Variants in FAM47E observed in about 807,000 individuals in gnomAD.
FAM47E encodes family with sequence similarity 47 member E, also known as protein FAM47E.
A neutral mutation model predicts 41.6 loss-of-function variants in FAM47E; 32 were observed. That is an observed-to-expected ratio of 0.77 (90% confidence interval 0.58 to 1.03). FAM47E has a LOEUF of 1.03. FAM47E is among the 50% of genes least tolerant of loss of function. The pLI, the probability that FAM47E is intolerant of heterozygous loss-of-function variation, is 0.00. For missense variants in FAM47E, 424 were observed against 485.4 expected (o/e 0.87, Z 1.19); for synonymous variants, 184 against 188.7 (o/e 0.98, Z 0.20).
upstream of FAM47E, among the ~76,000 whole-genome samples, chr4:76,250,239 G>T (rs907256121): frequency 6.6e-5 from 10 of 152,118 alleles, no homozygotes; most frequent in Admixed American, 2.0e-4. Flanking sequence ...TAAATTTTTT[G>T]ATTATGGCCA....
intron 7 of FAM47E, chr4:76,282,062 A>G (rs918894499): frequency 1.7e-5 from 1 of 57,568 alleles, no homozygotes; most frequent in Non-Finnish European, 5.5e-5. Flanking sequence ...GAAGTACAGT[A>G]CATTTGTATG....
chr4:76,236,770 G>A (rs1733593811), intron 2 of FAM47E: 1 of 152,106 alleles, frequency 6.6e-6, no homozygotes, highest in Non-Finnish European at 1.5e-5. Flanking sequence ...AAAGACCTGG[G>A]ATCAGCAGAA....
rs934670844 is a variant in FAM47E, at chr4:76,234,940, G to T, written c.81+17252G>T. 2.6e-5 allele frequency among the ~76,000 whole-genome samples: 4 copies of T among 152,214 alleles called. No individual in the cohort carries two copies. The South Asian group carries it at 8.3e-4, about 32-fold the overall frequency. ...TGTCTCTCAAAAAAAATTTTTCTTT[G>T]CCTGATTTAAATAGTAAAATTAAAG... On this transcript the variant is annotated intron_variant, in intron 2 of 7. Coordinates refer to the FAM47E transcript ENST00000510197.
At chr4:76,278,302 A>C in intron 6 of FAM47E, 78 bp downstream of exon 6, 1 of 1,383,616 alleles carries the variant, frequency 7.2e-7, no homozygotes, top group East Asian at 2.7e-5. Context: ...ACTGAACCAG[A>C]CTCTGCGGCG....
Position 76,238,475 on chromosome 4 carries a change from T to G in FAM47E, c.81+20787T>G, listed in dbSNP as rs369914173. 1.8e-4 allele frequency among the ~76,000 whole-genome samples: 28 copies of G among 152,348 alleles called. No homozygotes were observed. The South Asian group carries it at 5.6e-3, about 30-fold the overall frequency. ...TGCTGGTGAGTTTGTTTCCTCATAC[T>G]ACATTTATCTTTAGCACAGGAACTA... On this transcript the variant is annotated intron_variant, in intron 2 of 7. Transcript: ENST00000510197.
chr4:76,257,029 C>A (rs1330614244), intron 2 of FAM47E, among the ~76,000 whole-genome samples: 3 of 152,156 alleles, frequency 2.0e-5, no homozygotes, highest in African/African-American at 7.2e-5. Context: ...GTGATGTCAC[C>A]AATGTCCCAG....
chr4:76,271,231 T>C (rs1734872749), intron 4 of FAM47E, among the ~76,000 whole-genome samples: 1 of 152,202 alleles, frequency 6.6e-6, no homozygotes, highest in African/African-American at 2.4e-5. Context: ...TTATACAGAG[T>C]TATTGGCAGA....
At chr4:76,220,995 A>G (rs909542742) in intron 2 of FAM47E, among the ~76,000 whole-genome samples, 1 of 152,030 alleles carries the variant, frequency 6.6e-6, no homozygotes, top group Non-Finnish European at 1.5e-5. Context: ...CCCATGGGAA[A>G]CTGTACAACT....
chr4:76,271,846 T>C, intron 5 of FAM47E, 78 bp downstream of exon 5: 32 of 1,463,512 alleles, frequency 2.2e-5, no homozygotes, highest in Non-Finnish European at 2.8e-5. Flanking sequence ...TGAATTCTGA[T>C]GTGTCATGGG....
At chr4:76,241,069 G>C (rs1239529711) in intron 2 of FAM47E, among the ~76,000 whole-genome samples, 1 of 151,862 alleles carries the variant, frequency 6.6e-6, no homozygotes, top group Non-Finnish European at 1.5e-5. Context: ...CCTTCCCCAG[G>C]GTTTACTAGC....
chr4:76,252,292 G>A (rs1047468649), intron 1 of FAM47E, among the ~76,000 whole-genome samples: 1 of 152,186 alleles, frequency 6.6e-6, no homozygotes, highest in African/African-American at 2.4e-5. Flanking sequence ...GGAGCGCCTG[G>A]GGTGCTAGGG....
chr4:76,250,734 T>G (rs1268776921), upstream of FAM47E, among the ~76,000 whole-genome samples: 1 of 152,106 alleles, frequency 6.6e-6, no homozygotes, highest in African/African-American at 2.4e-5. Context: ...AAAATAACAA[T>G]TGGGCTAATT....
intron 1 of FAM47E, chr4:76,217,483 G>A (rs1264633640): frequency 1.7e-5 from 7 of 408,018 alleles, no homozygotes; most frequent in East Asian, 7.0e-5. Flanking sequence ...GTCAGAGAGC[G>A]GGTTGTTGAA....
At chr4:76,217,145 C>T (rs1264403398) in intron 1 of FAM47E, among the ~76,000 whole-genome samples, 6 of 152,202 alleles carry the variant, frequency 3.9e-5, no homozygotes, top group Non-Finnish European at 8.8e-5. Flanking sequence ...AGGATCATCT[C>T]ACCCTATGAG....
chr4:76,252,708 G>C (rs1385639589), intron 1 of FAM47E, among the ~76,000 whole-genome samples: 2 of 152,110 alleles, frequency 1.3e-5, no homozygotes, highest in African/African-American at 4.8e-5. Context: ...GCTTCTTTGG[G>C]AAGCTTCTCC....
chr4:76,251,962 A>AC lies in FAM47E; in HGVS notation c.74+142_74+143insC, dbSNP rs1415733892. On this transcript the variant is annotated intron_variant, in intron 1 of 7. Transcript: ENST00000424749. ...TCAATGCTTCCTGTACGTACAACAT[A>AC]ATACGCTGAGATAACCAACGCTTGG... is the stretch of plus-strand genomic sequence containing the variant. 34 of 1,141,566 alleles carry AC rather than the reference A, an allele frequency of 3.0e-5. No homozygotes were observed. In the Admixed American group the frequency reaches 1.4e-3, roughly 47 times the overall value. The allele number at this position is 1,141,566 out of a possible 1,614,324, so 70.7% of individuals were successfully genotyped here.
chr4:76,240,498 T>G (rs1437468217), intron 2 of FAM47E, among the ~76,000 whole-genome samples: 1 of 152,204 alleles, frequency 6.6e-6, no homozygotes, highest in South Asian at 2.1e-4. Flanking sequence ...TTTCTCTTAC[T>G]TGTCCTCAAG....
At chr4:76,236,242 T>A (rs1024573447) in intron 2 of FAM47E, 1 of 152,234 alleles carries the variant, frequency 6.6e-6, no homozygotes, top group Admixed American at 6.5e-5. Flanking sequence ...TGTTAAATGA[T>A]TCACTCCAGT....
At chr4:76,239,993 A>G (rs760657335) in intron 2 of FAM47E, among the ~76,000 whole-genome samples, 5 of 152,010 alleles carry the variant, frequency 3.3e-5, no homozygotes, top group African/African-American at 4.8e-5. Context: ...TCTTTTCCCC[A>G]TTGGATAATC....
Sources: allele counts gnomAD v4.1 joint callset (sites outside exome capture counted in the v4.1 genomes callset), GRCh38; gene constraint gnomAD v4.1.1; transcripts MANE v1.5; gene names NCBI Gene and HGNC (gene_info 2026-07-23, HGNC 2026-07-21).